ANGEL1: variants seen among roughly 807,000 people sequenced by gnomAD.
ANGEL1 encodes the protein angel homolog 1, also known as RNA 2',3'-cyclic phosphatase ANGEL1.
A neutral mutation model predicts 76.4 loss-of-function variants in ANGEL1; 62 were observed. That is an observed-to-expected ratio of 0.81 (90% CI 0.66 to 1.00). ANGEL1 has a LOEUF of 1.00. Ranked by LOEUF, ANGEL1 falls within the 50% of genes least tolerant of loss-of-function variation. ANGEL1 has a pLI of 0.00. For missense variants in ANGEL1, 737 were observed against 836.7 expected, an observed-to-expected ratio of 0.88 and a Z score of 1.47; for synonymous variants, 340 against 331.7, an observed-to-expected ratio of 1.03 and a Z score of -0.27.
chr14:76,809,742 C>T (rs1204837161), intron 1 of ANGEL1, 99 bp from the exon 2 acceptor site: 1 of 977,628 alleles, frequency 1.0e-6, no homozygotes, highest in Non-Finnish European at 1.5e-6. Flanking sequence ...GACCCATATC[C>T]ACCTTGCTCA....
intron 5 of ANGEL1, 155 bp from the exon 6 acceptor site, chr14:76,804,067 A>T (rs1894845117): frequency 1.3e-5 from 20 of 1,507,618 alleles, no homozygotes; most frequent in Non-Finnish European, 1.8e-5. Context: ...GCAGGTTAAA[A>T]ATAAGGACCA....
chr14:76,791,215 C>T lies in ANGEL1; in HGVS notation c.1688+82G>A, dbSNP rs1263039616. On this transcript the variant is annotated intron_variant, in intron 8 of 9. Coordinates refer to ENST00000251089, the MANE Select transcript of ANGEL1 (RefSeq NM_015305.4). ...ATCAAAAAGTGCTCCCCCAAGTCAA[C>T]CTCAGGACAACCAATGGGAATCTCT... 1.3e-5 allele frequency: 19 copies of T among 1,483,122 alleles called. No individual in the cohort carries two copies. In the African/African-American group the frequency reaches 1.7e-4, roughly 13 times the overall value. 91.9% of individuals were successfully genotyped at this position (1,483,122 alleles called of 1,614,324 possible). A position where few individuals can be genotyped will look rare whatever the true frequency, so the allele number is the denominator to read the frequency against.
At position 76,786,799 on chromosome 14, in the gene ANGEL1, G is replaced by C. The variant is rs1894273300; in HGVS notation, c.*2429C>G. The C allele has an allele frequency of 6.6e-6, 1 of 152,236 alleles. No individual in the cohort carries two copies. The highest frequency in any genetic ancestry group is 1.5e-5 in the Non-Finnish European group (1 of 68,066). The allele number at this position is 152,236 out of a possible 1,614,324, so 9.4% of individuals were successfully genotyped here. ...AAAAGAGATCAGAAATAGATGCTCAGCAAGAGGCATGTGCCACCCGCATCA... is the reference window on the plus strand; with the variant it reads ...AAAAGAGATCAGAAATAGATGCTCACCAAGAGGCATGTGCCACCCGCATCA... On this transcript the variant is annotated 3_prime_UTR_variant, in exon 10 of 10. Coordinates refer to ENST00000251089, the MANE Select transcript of ANGEL1 (RefSeq NM_015305.4).
chr14:76,803,429 G>T lies in ANGEL1; in HGVS notation c.1560C>A (p.Ile520=), dbSNP rs1470133203. 1 of 1,614,206 alleles carries T rather than the reference G, an allele frequency of 6.2e-7. No homozygotes were observed. The highest frequency in any genetic ancestry group is 1.7e-5 in the Admixed American group (1 of 60,028). Reference sequence around the variant, plus strand: ...CCAGTCCTACTGGTCGCTGACAAGCGATGCTGCAGAAGCGGAAACGTAGCA... The same window carrying T: ...CCAGTCCTACTGGTCGCTGACAAGCTATGCTGCAGAAGCGGAAACGTAGCA... ...DFLLRFRFCS[I]ACQRPVGLVL... is the part of the protein sequence containing the mutation. The change falls in exon 7 of 10, where the codon ATC becomes ATA. Residue 520 remains isoleucine, a synonymous_variant. Coordinates refer to ENST00000251089, the MANE Select transcript of ANGEL1 (RefSeq NM_015305.4).
At chr14:76,808,857 ACT>A (rs1329959015) in intron 2 of ANGEL1, among the ~76,000 whole-genome samples, 200 bp downstream of exon 2, 3 of 152,110 alleles carry the variant, frequency 2.0e-5, no homozygotes, top group Non-Finnish European at 2.9e-5. Context: ...ACCTCTCTGC[ACT>A]CTGATTATTT....
intron 7 of ANGEL1, among the ~76,000 whole-genome samples, chr14:76,797,181 A>T (rs567871722): frequency 6.6e-6 from 1 of 152,326 alleles, no homozygotes; most frequent in Non-Finnish European, 1.5e-5. Context: ...TGGGAAGAGG[A>T]TCCTCAGTTG....
chr14:76,812,659 C>A (rs1304492201), intron 1 of ANGEL1, 105 bp downstream of exon 1: 2 of 1,373,608 alleles, frequency 1.5e-6, no homozygotes, highest in East Asian at 3.0e-5. Context: ...GCCCGGGGCA[C>A]GGTAGTCGTG....
intron 7 of ANGEL1, among the ~76,000 whole-genome samples, chr14:76,795,508 C>T (rs1894550964): frequency 6.6e-6 from 1 of 152,146 alleles, no homozygotes; most frequent in South Asian, 2.1e-4. Context: ...CAATATTATA[C>T]TTGTTTCATA....
At chr14:76,790,908 A>T in intron 8 of ANGEL1, 134 bp from the exon 9 acceptor site, 2 of 1,285,072 alleles carry the variant, frequency 1.6e-6, no homozygotes, top group Non-Finnish European at 2.1e-6. Flanking sequence ...ATTCCTCCCC[A>T]TGCTAAGAAG....
At chr14:76,799,273 GCCT>G (rs1292651431) in intron 7 of ANGEL1, among the ~76,000 whole-genome samples, 14 of 118,842 alleles carry the variant, frequency 1.2e-4, no homozygotes, top group African/African-American at 3.4e-4. Flanking sequence ...TCCATTCATG[GCCT>G]CCTTTTTTTT....
chr14:76,795,855 T>C (rs1352037204), intron 7 of ANGEL1, among the ~76,000 whole-genome samples: 1 of 152,214 alleles, frequency 6.6e-6, no homozygotes, highest in African/African-American at 2.4e-5. Flanking sequence ...CCCACTTACA[T>C]AGGTTAGCTA....
At chr14:76,801,487 C>A (rs572276085) in intron 7 of ANGEL1, among the ~76,000 whole-genome samples, 103 of 152,226 alleles carry the variant, frequency 6.8e-4, no homozygotes, top group Middle Eastern at 3.4e-3. Flanking sequence ...GAAAATCTTT[C>A]TTGGATAATT....
chr14:76,793,033 A>G (rs549151420), intron 7 of ANGEL1, among the ~76,000 whole-genome samples: 62 of 152,304 alleles, frequency 4.1e-4, no homozygotes, highest in Admixed American at 2.0e-3. Context: ...TAATAAATGA[A>G]TTCAGCAAGA....
At chr14:76,794,436 C>A (rs1388608836) in intron 7 of ANGEL1, among the ~76,000 whole-genome samples, 9 of 152,074 alleles carry the variant, frequency 5.9e-5, no homozygotes, top group African/African-American at 2.2e-4. Context: ...CTTTGGAAGG[C>A]TGGGGCGGAC....
Position 76,790,898 on chromosome 14 carries a change from A to G in ANGEL1, c.1689-124T>C, listed in dbSNP as rs540190665. ...ATCTCAGATGACTCAATCTCAGCCA[A>G]TTCCTCCCCATGCTAAGAAGGGGCT... On this transcript the variant is annotated intron_variant, in intron 8 of 9. Coordinates refer to ENST00000251089, the MANE Select transcript of ANGEL1 (RefSeq NM_015305.4). The G allele has an allele frequency of 6.8e-6, 9 of 1,319,712 alleles. No homozygotes were observed. The Admixed American group carries it at 8.6e-5, about 13-fold the overall frequency. 81.8% of individuals were successfully genotyped at this position (1,319,712 alleles called of 1,614,324 possible). A position where few individuals can be genotyped will look rare whatever the true frequency, so the allele number is the denominator to read the frequency against.
Position 76,807,485 on chromosome 14 carries a change from T to A in ANGEL1, c.894A>T (p.Glu298Asp), listed in dbSNP as rs776529500. The change falls in exon 4 of 10, where the codon GAA (glutamate) becomes GAT (aspartate). Residue 298 changes from glutamate to aspartate, a missense_variant. Around this residue, in one of 2 missense-constraint regions of ANGEL1, gnomAD observed 441 missense variants for 449.5 expected, o/e 0.98. Transcript: ENST00000251089. The part of the protein sequence containing the change: ...HWDPDILCLQ[E>D]VQEDHYWEQL... ...GCTCCCAGTAATGATCTTCCTGGAC[T>A]TCCTGGAGACACAGGATCTGGGAAA... is the stretch of plus-strand genomic sequence containing the variant. 1.2e-6 allele frequency: 2 copies of A among 1,613,642 alleles called. No homozygotes were observed. Among genetic ancestry groups the A allele is most frequent in the South Asian group, 1.1e-5 (1 of 90,916 alleles).
chr14:76,793,425 G>GGGA (rs149307840), intron 7 of ANGEL1, among the ~76,000 whole-genome samples: 1 of 82,252 alleles, frequency 1.2e-5, no homozygotes, highest in African/African-American at 4.6e-5. Context: ...AAGAGGAGAG[G>GGGA]GGAGGAGGAG....
chr14:76,803,294 G>A, intron 7 of ANGEL1, 77 bp downstream of exon 7: 2 of 1,156,412 alleles, frequency 1.7e-6, no homozygotes, highest in East Asian at 2.4e-5. Context: ...TTAGAAAAGA[G>A]CAGGAAACCA....
chr14:76,790,496 T>G lies in ANGEL1; in HGVS notation c.1852+115A>C, dbSNP rs376547910. 146 of 1,487,996 alleles carry G rather than the reference T, an allele frequency of 9.8e-5. 1 individual carries two copies. In the African/African-American group the frequency reaches 1.8e-3, roughly 18 times the overall value. 92.2% of individuals were successfully genotyped at this position (1,487,996 alleles called of 1,614,324 possible). A position where few individuals can be genotyped will look rare whatever the true frequency, so the allele number is the denominator to read the frequency against. ...ACCAGTGCAAGGGAGGTATGAAATC[T>G]GCTCCTTTGCTGGTTAAATCCCAGC... On this transcript the variant is annotated intron_variant, in intron 9 of 9. Transcript: ENST00000251089.
Sources: allele counts gnomAD v4.1 joint callset (sites outside exome capture counted in the v4.1 genomes callset), GRCh38; gene constraint gnomAD v4.1.1; regional missense constraint gnomAD v4.1.1; transcripts MANE v1.5; gene names NCBI Gene and HGNC (gene_info 2026-07-23, HGNC 2026-07-21).